RELL1: variants seen among roughly 807,000 people sequenced by gnomAD.
RELL1 encodes the protein RELT-like protein 1.
RELL1 carries 10 observed loss-of-function variants against 23.0 expected under a neutral mutation model. The observed-to-expected ratio is 0.43, with a 90% CI of 0.27 to 0.74. RELL1 has a LOEUF of 0.74. RELL1 is among the 30% of genes least tolerant of loss of function. The pLI is 0.19. For missense variants in RELL1, 315 were observed against 364.4 expected (o/e 0.86, Z 1.10); for synonymous variants, 146 against 146.8 (o/e 0.99, Z 0.04).
chr4:37,633,330 G>GC (rs1222876321), intron 5 of RELL1, among the ~76,000 whole-genome samples: 1 of 137,932 alleles, frequency 7.2e-6, no homozygotes, highest in Non-Finnish European at 1.5e-5. Context: ...AATCGTTTGA[G>GC]CCCAGGAGGC....
intron 3 of RELL1, among the ~76,000 whole-genome samples, chr4:37,642,251 T>C (rs1720555802): frequency 6.6e-6 from 1 of 152,218 alleles, no homozygotes; most frequent in Admixed American, 6.5e-5. Flanking sequence ...ATCTCTTGCC[T>C]AGGGATCAGA....
chr4:37,660,911 G>A (rs1307743106), intron 1 of RELL1, among the ~76,000 whole-genome samples: 1 of 151,838 alleles, frequency 6.6e-6, no homozygotes, highest in Admixed American at 6.6e-5. Flanking sequence ...GGCGCCTGTT[G>A]TCCCAGCTAC....
intron 1 of RELL1, among the ~76,000 whole-genome samples, chr4:37,659,066 TGA>T (rs1373723344): frequency 2.6e-5 from 4 of 152,210 alleles, no homozygotes; most frequent in Non-Finnish European, 5.9e-5. Context: ...CACTTCATTT[TGA>T]GAGTCTTTTG....
intron 6 of RELL1, among the ~76,000 whole-genome samples, chr4:37,601,533 C>A (rs542349588): frequency 1.3e-5 from 2 of 152,166 alleles, no homozygotes; most frequent in Non-Finnish European, 2.9e-5. Context: ...GTGCTCTTAT[C>A]GGGAGCTGTA....
intron 3 of RELL1, among the ~76,000 whole-genome samples, chr4:37,639,886 A>G (rs1720466908): frequency 6.6e-6 from 1 of 152,228 alleles, no homozygotes; most frequent in African/African-American, 2.4e-5. Flanking sequence ...TGCTGCTGTA[A>G]GTTTTAACAG....
Position 37,593,044 on chromosome 4 carries a change from C to A in RELL1, c.*4-1827G>T, listed in dbSNP as rs191447583. On this transcript the variant is annotated intron_variant, in intron 6 of 6. Coordinates refer to the RELL1 transcript ENST00000314117. ...GTTTGTTTGGTACTGTAATGACAAG[C>A]CATCGCAAGTGACCTCTATATACAG... 1.7e-3 allele frequency among the ~76,000 whole-genome samples: 255 copies of A among 152,304 alleles called. 1 individual carries two copies. The highest frequency in any genetic ancestry group is 5.7e-3 in the African/African-American group (237 of 41,576).
chr4:37,637,710 C>A (rs1306055482), intron 4 of RELL1, among the ~76,000 whole-genome samples: 1 of 152,210 alleles, frequency 6.6e-6, no homozygotes, highest in Non-Finnish European at 1.5e-5. Flanking sequence ...CAGAGCAGCA[C>A]CCAGCACACA....
At chr4:37,651,989 C>A (rs1281758702) in intron 1 of RELL1, among the ~76,000 whole-genome samples, 2 of 152,192 alleles carry the variant, frequency 1.3e-5, no homozygotes, top group Non-Finnish European at 2.9e-5. Context: ...GCCAGCGTGG[C>A]CAAGCAGGGC....
exon 7 of RELL1, chr4:37,590,904 G>A: frequency 6.2e-7 from 1 of 1,614,232 alleles, no homozygotes; most frequent in Non-Finnish European, 8.5e-7. Context: ...ATGGAGATGG[G>A]GATGGGGAGA....
Position 37,633,185 on chromosome 4 carries a change from G to C in RELL1, c.681-1662C>G, listed in dbSNP as rs527323657. ...ACACTTTGGGAGGCCAAGACAGGTGGATCACTTGAGGTCAGGAGTTCGAGA... is the reference window on the plus strand; with the variant it reads ...ACACTTTGGGAGGCCAAGACAGGTGCATCACTTGAGGTCAGGAGTTCGAGA... On this transcript the variant is annotated intron_variant, in intron 5 of 6. Coordinates refer to ENST00000454158, the MANE Select transcript of RELL1 (RefSeq NM_001085400.2). Among the ~76,000 whole-genome samples the C allele has an allele frequency of 1.2e-3, 189 of 152,232 alleles. 1 individual carries two copies. Among genetic ancestry groups the C allele is most frequent in the Non-Finnish European group, 2.5e-3 (171 of 67,996 alleles).
chr4:37,595,593 A>G (rs3796712), intron 6 of RELL1, among the ~76,000 whole-genome samples: 10,521 of 152,190 alleles, frequency 0.069, 673 homozygotes, highest in East Asian at 0.26. Context: ...ATAAAGGTAT[A>G]CATGGTGTAA....
chr4:37,590,356 A>C (rs145167191), downstream of RELL1: 1 of 1,613,648 alleles, frequency 6.2e-7, no homozygotes, highest in African/African-American at 1.3e-5. Flanking sequence ...TGTCAACGGC[A>C]TCGGCCCTGC....
rs201810967 is a variant in RELL1, at chr4:37,634,904, C to T, written c.663G>A (p.Thr221=). ...ESRPRRQGEV[T]VLSVGRFRVT... is the part of the protein sequence containing the mutation. ...GATCTTACCTGCCAACAGAAAGGACCGTGACCTCGCCTTGGCGCCGTGGTC... is the reference window on the plus strand; with the variant it reads ...GATCTTACCTGCCAACAGAAAGGACTGTGACCTCGCCTTGGCGCCGTGGTC... The change falls in exon 5 of 7, where the codon ACG becomes ACA. Residue 221 remains threonine, a synonymous_variant. Coordinates refer to ENST00000454158, the MANE Select transcript of RELL1 (RefSeq NM_001085400.2). 1.7e-4 allele frequency: 279 copies of T among 1,614,124 alleles called. No individual in the cohort carries two copies. The highest frequency in any genetic ancestry group is 2.3e-4 in the Non-Finnish European group (270 of 1,180,034).
chr4:37,656,283 A>T (rs945518924), intron 1 of RELL1, among the ~76,000 whole-genome samples: 7 of 152,226 alleles, frequency 4.6e-5, no homozygotes, highest in African/African-American at 1.7e-4. Context: ...TTCTGTTTAT[A>T]TATGGTATCT....
rs1560328311 is a variant in RELL1 at position 37,612,332 on chromosome 4, A to AAC, written c.*1013_*1014insGT. Among the ~76,000 whole-genome samples, 49 of 24,972 alleles carry AAC rather than the reference A, an allele frequency of 2.0e-3. No individual in the cohort carries two copies. The highest frequency in any genetic ancestry group is 2.6e-3 in the African/African-American group (35 of 13,660). 16.4% of individuals were successfully genotyped at this position (24,972 alleles called of 152,430 possible). A position where few individuals can be genotyped will look rare whatever the true frequency, so the allele number is the denominator to read the frequency against. ...CGCTCAGCTAAAGGTTAAAAAAAAA[A>AAC]AAAAAACAAAAAAAAACAAAAAACC... On this transcript the variant is annotated 3_prime_UTR_variant, in exon 7 of 7. Coordinates refer to ENST00000454158, the MANE Select transcript of RELL1 (RefSeq NM_001085400.2).
chr4:37,604,852 G>GACACACACACAC (rs1560323807), intron 6 of RELL1, among the ~76,000 whole-genome samples: 5 of 27,010 alleles, frequency 1.9e-4, no homozygotes, highest in East Asian at 1.8e-3. Flanking sequence ...CACACACACA[G>GACACACACACAC]ACACACACAC....
At chr4:37,656,625 G>A (rs1721126714) in intron 1 of RELL1, among the ~76,000 whole-genome samples, 1 of 152,206 alleles carries the variant, frequency 6.6e-6, no homozygotes, top group South Asian at 2.1e-4. Context: ...AGCTGTAGTG[G>A]GACCTTTAAG....
downstream of RELL1, chr4:37,589,043 TATA>T (rs1718459289): frequency 1.7e-6 from 1 of 579,164 alleles, no homozygotes; most frequent in African/African-American, 1.9e-5. Context: ...TTGGAATTGT[TATA>T]ATATCATTTA....
At chr4:37,590,591 A>G (rs573345124), downstream of RELL1, 4 of 1,614,170 alleles carry the variant, frequency 2.5e-6, no homozygotes, top group East Asian at 4.5e-5. Context: ...GTACAAGACC[A>G]TGTCTTCCAG....
Sources: allele counts gnomAD v4.1 joint callset (sites outside exome capture counted in the v4.1 genomes callset), GRCh38; gene constraint gnomAD v4.1.1; transcripts MANE v1.5; gene names NCBI Gene and HGNC (gene_info 2026-07-23, HGNC 2026-07-21).